Variants in ZBTB46 observed in about 807,000 individuals in gnomAD.
ZBTB46 encodes zinc finger and BTB domain containing 46, also known as zinc finger and BTB domain-containing protein 46.
In ZBTB46, 8 loss-of-function variants were observed where a neutral mutation model predicts 44.1. The observed-to-expected ratio is 0.18, with a 90% CI of 0.11 to 0.33. The LOEUF (loss-of-function observed/expected upper bound fraction) is 0.33, where lower values mean the gene tolerates loss of function less well. Ranked by LOEUF, ZBTB46 falls within the 10% of genes least tolerant of loss-of-function variation. The probability of loss-of-function intolerance (pLI) is 1.00; values close to 1 mark genes in which losing one functional copy is unlikely to be tolerated. For missense variants in ZBTB46, 651 were observed against 847.7 expected (o/e 0.77, Z 2.88); for synonymous variants, 409 against 382.3 (o/e 1.07, Z -0.81).
chr20:63,823,130 T>G (rs1397010548), intron 1 of ZBTB46, among the ~76,000 whole-genome samples: 1 of 152,028 alleles, frequency 6.6e-6, no homozygotes. Context: ...ACTGCACCAC[T>G]GCACTCCAGC....
At position 63,767,375 on chromosome 20, in the gene ZBTB46, G is replaced by A. The variant is rs1380320777; in HGVS notation, c.1222+8303C>T. Among the ~76,000 whole-genome samples the A allele has an allele frequency of 3.3e-5, 5 of 152,044 alleles. No homozygotes were observed. Among genetic ancestry groups the A allele is most frequent in the East Asian group, 1.9e-4 (1 of 5,176 alleles). On this transcript the variant is annotated intron_variant, in intron 3 of 4. Transcript: ENST00000245663. This position sits in a 1 kb window ranked among gnomAD's most constrained non-coding sequence, Gnocchi z 5.0. ...GGTCCACCCGCCCCAGCTGCCCACCGGCTGGGCATGGAGATGCCTTCACCT... is the reference window on the plus strand; with the variant it reads ...GGTCCACCCGCCCCAGCTGCCCACCAGCTGGGCATGGAGATGCCTTCACCT...
intron 1 of ZBTB46, among the ~76,000 whole-genome samples, chr20:63,804,177 A>T (rs1382098430): frequency 1.3e-5 from 2 of 152,022 alleles, no homozygotes; most frequent in Admixed American, 6.5e-5. Flanking sequence ...AGGCCTCAGC[A>T]TCCCTCCAGC....
intron 1 of ZBTB46, among the ~76,000 whole-genome samples, chr20:63,817,230 A>G (rs2092764370): frequency 1.3e-5 from 2 of 152,028 alleles, no homozygotes; most frequent in South Asian, 4.1e-4. Flanking sequence ...ACATAGGGAG[A>G]CCCTGTCCCT....
chr20:63,785,516 C>T (rs184924425), intron 2 of ZBTB46, among the ~76,000 whole-genome samples: 43 of 152,290 alleles, frequency 2.8e-4, no homozygotes, highest in African/African-American at 9.9e-4. Flanking sequence ...GTCGAGATCA[C>T]ACCACCGCAC....
Position 63,790,460 on chromosome 20 carries a change from T to G in ZBTB46, c.298A>C (p.Arg100=), listed in dbSNP as rs974685318. 40 of 1,613,302 alleles carry G rather than the reference T, an allele frequency of 2.5e-5. No individual in the cohort carries two copies. Among genetic ancestry groups the G allele is most frequent in the Non-Finnish European group, 3.1e-5 (37 of 1,180,026 alleles). The part of the protein sequence containing the change: ...MYSAHLALTS[R]NVIEVMSAAS... The stretch of plus-strand genomic sequence containing the variant: ...GCTGACATCACCTCGATGACGTTCC[T>G]GCTGGTGAGCGCCAGGTGCGCTGAG... Residue 100 remains arginine, a synonymous_variant, in exon 2 of 5, where the codon AGG becomes CGG. Coordinates refer to ENST00000245663, the MANE Select transcript of ZBTB46 (RefSeq NM_001369741.1).
intron 2 of ZBTB46, among the ~76,000 whole-genome samples, chr20:63,784,017 T>G (rs2092491967): frequency 6.6e-6 from 1 of 152,196 alleles, no homozygotes; most frequent in South Asian, 2.1e-4. Flanking sequence ...TGCAGGGACG[T>G]AACCTCAGAG....
At chr20:63,817,019 C>T (rs1236483037) in intron 1 of ZBTB46, among the ~76,000 whole-genome samples, 2 of 152,078 alleles carry the variant, frequency 1.3e-5, no homozygotes, top group East Asian at 3.9e-4. Flanking sequence ...GCAGGAGAAT[C>T]GCTTGAACCC....
At chr20:63,782,135 G>A (rs930342214) in intron 2 of ZBTB46, among the ~76,000 whole-genome samples, 3 of 150,026 alleles carry the variant, frequency 2.0e-5, no homozygotes, top group African/African-American at 7.4e-5. Context: ...CAAAATCCCC[G>A]GCTACTGTAT....
chr20:63,764,633 G>A (rs887899977), intron 3 of ZBTB46, among the ~76,000 whole-genome samples: 14 of 147,760 alleles, frequency 9.5e-5, no homozygotes, highest in Admixed American at 6.8e-4. Flanking sequence ...ACGGAGTTTC[G>A]CTCTTGTTGC....
chr20:63,818,434 G>T (rs1213624140), intron 1 of ZBTB46, among the ~76,000 whole-genome samples: 2 of 152,260 alleles, frequency 1.3e-5, no homozygotes, highest in African/African-American at 2.4e-5. Context: ...GTTCTGCAGA[G>T]GGAGGGTGGG....
chr20:63,783,555 T>G (rs1256351505), intron 2 of ZBTB46, among the ~76,000 whole-genome samples: 1 of 152,214 alleles, frequency 6.6e-6, no homozygotes, highest in Non-Finnish European at 1.5e-5. Context: ...CGTCACCAGC[T>G]GCTCCCCAAC....
chr20:63,762,673 C>CAA (rs2092287361), intron 3 of ZBTB46, among the ~76,000 whole-genome samples: 1 of 105,260 alleles, frequency 9.5e-6, no homozygotes, highest in East Asian at 2.0e-4. Flanking sequence ...AACAAACAAA[C>CAA]AAACAAAAAA....
intron 2 of ZBTB46, among the ~76,000 whole-genome samples, chr20:63,781,348 G>A (rs189926097): frequency 8.5e-4 from 129 of 152,146 alleles, no homozygotes; most frequent in South Asian, 2.5e-3. Context: ...GCTCATCACC[G>A]CCAGCTGAGC....
chr20:63,753,662 C>T (rs946559475), intron 3 of ZBTB46, among the ~76,000 whole-genome samples: 2 of 152,214 alleles, frequency 1.3e-5, no homozygotes, highest in Admixed American at 6.5e-5. Flanking sequence ...ACGCATGTGC[C>T]GAGGGCTGCT....
Position 63,804,753 on chromosome 20 carries a change from G to A in ZBTB46, c.-33-13963C>T, listed in dbSNP as rs567787175. ...CCAAAATTAAAAAAATTAGCCAGGC[G>A]TGGTGGGGGGCGCCTGTAGTCCCAG... On this transcript the variant is annotated intron_variant, in intron 1 of 4. Coordinates refer to ENST00000245663, the MANE Select transcript of ZBTB46 (RefSeq NM_001369741.1). Among the ~76,000 whole-genome samples the A allele has an allele frequency of 3.8e-3, 570 of 151,930 alleles. 2 individuals are homozygous for A. The highest frequency in any genetic ancestry group is 3.2e-3 in the Non-Finnish European group (218 of 67,944).
chr20:63,752,489 G>A lies in ZBTB46; in HGVS notation c.1398+197C>T, dbSNP rs1315805143. 2.6e-5 allele frequency among the ~76,000 whole-genome samples: 4 copies of A among 152,136 alleles called. No individual in the cohort carries two copies. Among genetic ancestry groups the A allele is most frequent in the African/African-American group, 9.6e-5 (4 of 41,524 alleles). On this transcript the variant is annotated intron_variant, in intron 4 of 4. Transcript: ENST00000245663. This position sits in a 1 kb window ranked among gnomAD's most constrained non-coding sequence, Gnocchi z 5.6. Reference sequence around the variant, plus strand: ...GGGCCGAAGCCTCTGCAGGGGCCATGTGGCCCAGCCACACCCAGGAGGCCG... The same window carrying A: ...GGGCCGAAGCCTCTGCAGGGGCCATATGGCCCAGCCACACCCAGGAGGCCG...
At chr20:63,809,068 G>A (rs1447441695) in intron 1 of ZBTB46, among the ~76,000 whole-genome samples, 1 of 151,386 alleles carries the variant, frequency 6.6e-6, no homozygotes, top group African/African-American at 2.4e-5. Context: ...CTGGCGGCTC[G>A]GTGCTCCGGT....
intron 4 of ZBTB46, among the ~76,000 whole-genome samples, chr20:63,751,246 A>G (rs1462369485): frequency 6.6e-6 from 1 of 151,788 alleles, no homozygotes; most frequent in Non-Finnish European, 1.5e-5. Context: ...CTCCGCGTGG[A>G]TGTGGGTCTG....
In ZBTB46 at chr20:63,803,428, A is replaced by G; in HGVS notation, c.-33-12638T>C. On this transcript the variant is annotated intron_variant, in intron 1 of 4. Coordinates refer to ENST00000245663, the MANE Select transcript of ZBTB46 (RefSeq NM_001369741.1). The surrounding 1 kb of genome is among the most constrained non-coding windows in gnomAD (Gnocchi z 4.0). ...TTAGCAGAGTCGTCTTTCGACAGCG[A>G]GACCGGTGGTACTATCCACATCATC... The G allele has an allele frequency of 2.0e-6, 2 of 985,456 alleles. No individual in the cohort carries two copies. The highest frequency in any genetic ancestry group is 2.4e-6 in the Non-Finnish European group (2 of 829,934). 61.0% of individuals were successfully genotyped at this position (985,456 alleles called of 1,614,324 possible).
Sources: allele counts gnomAD v4.1 joint callset (sites outside exome capture counted in the v4.1 genomes callset), GRCh38; gene constraint gnomAD v4.1.1; non-coding constraint Gnocchi (gnomAD v3.1); transcripts MANE v1.5; gene names NCBI Gene and HGNC (gene_info 2026-07-23, HGNC 2026-07-21).